Variants in ATG7 observed in about 807,000 individuals in gnomAD.
ATG7 encodes the protein ubiquitin-like modifier-activating enzyme ATG7.
In ATG7, 70 loss-of-function variants were observed where a neutral mutation model predicts 82.4. The observed-to-expected ratio is 0.85, with a 90% CI of 0.70 to 1.04. The LOEUF is 1.04. Among genes scored for constraint, ATG7 ranks in the 50% least tolerant of loss-of-function variants. ATG7 has a pLI of 0.00. For missense variants in ATG7, 792 were observed against 864.3 expected (o/e 0.92, Z 1.05); for synonymous variants, 287 against 313.0 (o/e 0.92, Z 0.88).
Position 11,331,313 on chromosome 3 carries a change from T to TA in ATG7, c.679-26dup, listed in dbSNP as rs773829042. 11 of 1,545,546 alleles carry TA rather than the reference T, an allele frequency of 7.1e-6. No homozygotes were observed. In the East Asian group the frequency reaches 1.8e-4, roughly 25 times the overall value. On this transcript the variant is annotated intron_variant, in intron 9 of 20. Coordinates refer to ENST00000693202, the MANE Select transcript of ATG7 (RefSeq NM_001349232.2). ...TGTGAAGCTGACATGATACTCGACT[T>TA]ACTCAGAAAGTCTTTTTTGTTCACA...
chr3:11,462,375 A>G (rs2086393491), intron 20 of ATG7, among the ~76,000 whole-genome samples: 1 of 152,154 alleles, frequency 6.6e-6, no homozygotes, highest in Non-Finnish European at 1.5e-5. Flanking sequence ...GGCAGGAGAC[A>G]TGGCACACCA....
chr3:11,418,920 A>T (rs2081661158), intron 19 of ATG7, among the ~76,000 whole-genome samples: 1 of 152,044 alleles, frequency 6.6e-6, no homozygotes, highest in Admixed American at 6.5e-5. Context: ...AAATCATCAG[A>T]TCTCATGAGA....
intron 19 of ATG7, among the ~76,000 whole-genome samples, chr3:11,415,774 TAAA>T (rs1279991106): frequency 7.4e-6 from 1 of 134,748 alleles, no homozygotes; most frequent in African/African-American, 2.7e-5. Context: ...TTTTTTTTTT[TAAA>T]TAAGTAGAGG....
the ATG7 span, among the ~76,000 whole-genome samples, chr3:11,573,429 T>C: frequency 6.6e-6 from 1 of 152,072 alleles, no homozygotes; most frequent in Non-Finnish European, 1.5e-5. Flanking sequence ...TCCTCAGACA[T>C]GTGTCCTGGT....
intron 1 of ATG7, among the ~76,000 whole-genome samples, chr3:11,279,482 G>A (rs943537720): frequency 1.3e-5 from 2 of 152,110 alleles, no homozygotes; most frequent in South Asian, 2.1e-4. Flanking sequence ...TCAGGAGTTC[G>A]AGACCAACCT....
chr3:11,538,325 T>C (rs552835261), intron 20 of ATG7, among the ~76,000 whole-genome samples: 3 of 152,254 alleles, frequency 2.0e-5, no homozygotes, highest in Non-Finnish European at 4.4e-5. Context: ...GGGATAGCTC[T>C]CTTGGCAAAA....
At chr3:11,513,608 T>C (rs1447339161) in intron 20 of ATG7, among the ~76,000 whole-genome samples, 2 of 152,186 alleles carry the variant, frequency 1.3e-5, no homozygotes, top group Non-Finnish European at 2.9e-5. Context: ...CAGCCCCAGT[T>C]CCTGCTCCCG....
chr3:11,429,766 G>A (rs571616689), intron 20 of ATG7, among the ~76,000 whole-genome samples: 2 of 152,070 alleles, frequency 1.3e-5, no homozygotes, highest in African/African-American at 4.8e-5. Context: ...TGGGCAACAC[G>A]GCGAAACCTC....
chr3:11,574,785 A>ATATGTGTGTGTGTGTG, the ATG7 span, among the ~76,000 whole-genome samples: 6 of 121,780 alleles, frequency 4.9e-5, no homozygotes, highest in East Asian at 2.9e-4. Context: ...TCAACTATAT[A>ATATGTGTGTGTGTGTG]TGTGTGTGTG....
chr3:11,492,781 C>T (rs754609073), intron 20 of ATG7, among the ~76,000 whole-genome samples: 6 of 152,218 alleles, frequency 3.9e-5, no homozygotes, highest in South Asian at 2.1e-4. Context: ...CCACCCCTTG[C>T]GGGAGGGAGC....
At chr3:11,546,802 C>T (rs186327104) in intron 20 of ATG7, among the ~76,000 whole-genome samples, 46 of 152,352 alleles carry the variant, frequency 3.0e-4, no homozygotes, top group African/African-American at 1.1e-3. Flanking sequence ...CATCCCTGCC[C>T]TCTTCCATTG....
At chr3:11,319,462 G>C (rs534990780) in intron 9 of ATG7, among the ~76,000 whole-genome samples, 1 of 152,154 alleles carries the variant, frequency 6.6e-6, no homozygotes, top group Non-Finnish European at 1.5e-5. Flanking sequence ...GTGTAGGATG[G>C]AGAAATGTTG....
chr3:11,459,077 G>A (rs1479628341), intron 20 of ATG7, among the ~76,000 whole-genome samples: 2 of 151,252 alleles, frequency 1.3e-5, no homozygotes, highest in South Asian at 2.1e-4. Context: ...TGTCAGAAAA[G>A]TTTGGGACTG....
intron 5 of ATG7, among the ~76,000 whole-genome samples, chr3:11,301,244 A>G (rs1461100574): frequency 2.0e-5 from 3 of 152,178 alleles, no homozygotes; most frequent in African/African-American, 7.2e-5. Flanking sequence ...TCAGTTTGAG[A>G]AAGAGGGTGG....
chr3:11,455,444 G>A (rs1391290116), intron 20 of ATG7, among the ~76,000 whole-genome samples: 1 of 152,104 alleles, frequency 6.6e-6, no homozygotes, highest in East Asian at 1.9e-4. Context: ...ACATTTGGTG[G>A]TCCACTCATA....
intron 19 of ATG7, among the ~76,000 whole-genome samples, chr3:11,395,122 AAC>A (rs2079104958): frequency 6.6e-6 from 1 of 152,334 alleles, no homozygotes; most frequent in East Asian, 1.9e-4. Context: ...AAAATTCAAA[AAC>A]AAAATGAATA....
chr3:11,465,444 CAAA>C (rs34071637), intron 20 of ATG7, among the ~76,000 whole-genome samples: 5 of 116,806 alleles, frequency 4.3e-5, no homozygotes, highest in East Asian at 2.5e-4. Context: ...GACTCTGTCT[CAAA>C]AAAAAAAAAA....
At chr3:11,550,133 A>AT (rs2071639014) in intron 20 of ATG7, among the ~76,000 whole-genome samples, 1 of 151,634 alleles carries the variant, frequency 6.6e-6, no homozygotes, top group Non-Finnish European at 1.5e-5. Flanking sequence ...ATATAGAGAT[A>AT]TTTTCTCCTA....
At chr3:11,540,816 CT>C (rs2125021814) in intron 20 of ATG7, among the ~76,000 whole-genome samples, 2 of 147,422 alleles carry the variant, frequency 1.4e-5, no homozygotes, top group East Asian at 4.0e-4. Flanking sequence ...ACAGTTCCTG[CT>C]TTTAGTGTCC....
Sources: gnomAD v4.1 joint callset for allele counts (sites outside exome capture counted in the v4.1 genomes callset) on GRCh38, gnomAD v4.1.1 for gene constraint, MANE v1.5 for transcripts, NCBI Gene and HGNC (gene_info 2026-07-23, HGNC 2026-07-21) for gene names.